Variants in FBXO41 observed in about 807,000 individuals in gnomAD.
FBXO41 encodes F-box only protein 41.
FBXO41 carries 33 observed loss-of-function variants against 81.6 expected under a neutral mutation model. That is an observed-to-expected ratio of 0.40 (90% CI 0.31 to 0.54). The LOEUF is 0.54. Among genes scored for constraint, FBXO41 ranks in the 20% least tolerant of loss-of-function variants. FBXO41 has a pLI of 0.39. For missense variants in FBXO41, 1,107 were observed against 1,236.0 expected (o/e 0.90, Z 1.56); for synonymous variants, 576 against 552.7 (o/e 1.04, Z -0.59).
intron 1 of FBXO41, among the ~76,000 whole-genome samples, chr2:73,274,046 C>A (rs866951841): frequency 1.3e-5 from 2 of 152,240 alleles, no homozygotes; most frequent in Non-Finnish European, 2.9e-5. Context: ...CAGGCCACAA[C>A]CTCATCACAT....
chr2:73,274,203 C>A (rs541905171), intron 1 of FBXO41, among the ~76,000 whole-genome samples: 16 of 152,332 alleles, frequency 1.1e-4, no homozygotes, highest in African/African-American at 3.8e-4. Context: ...CCCCTGTGCT[C>A]TTGCCAATTT....
intron 5 of FBXO41, 40 bp downstream of exon 5, chr2:73,265,242 C>T (rs778702326): frequency 1.2e-5 from 18 of 1,541,232 alleles, no homozygotes; most frequent in Admixed American, 1.8e-5. Context: ...GATTCACTGC[C>T]TCAGACCTGT....
At position 73,265,950 on chromosome 2, in the gene FBXO41, C is replaced by A; in HGVS notation, c.1148G>T (p.Gly383Val). The A allele has an allele frequency of 6.3e-7, 1 of 1,577,538 alleles. No homozygotes were observed. The highest frequency in any genetic ancestry group is 8.6e-7 in the Non-Finnish European group (1 of 1,161,032). ...GPGRMREHHVGPAVPNTYAVS... is the reference protein window; with the variant it reads ...GPGRMREHHVVPAVPNTYAVS... Reference sequence around the variant, plus strand: ...TGCATATGTGTTAGGCACGGCCGGGCCCACGTGGTGTTCTCGCTGTGGGCC... The same window carrying A: ...TGCATATGTGTTAGGCACGGCCGGGACCACGTGGTGTTCTCGCTGTGGGCC... Residue 383 changes from glycine (G) to valine (V), a missense_variant, in exon 4 of 13, where the codon GGC becomes GTC. Gly to Val is a moderately radical substitution (Grantham distance 109). Coordinates refer to ENST00000520530, the MANE Select transcript of FBXO41 (RefSeq NM_001371389.2).
At chr2:73,265,870 G>C in intron 4 of FBXO41, 23 bp downstream of exon 4, 1 of 1,570,042 alleles carries the variant, frequency 6.4e-7, no homozygotes, top group Non-Finnish European at 8.6e-7. Context: ...GGCTGCATGG[G>C]GTGGGCTGGG....
chr2:73,276,664 A>G (rs567838253), intron 1 of FBXO41, among the ~76,000 whole-genome samples: 1 of 151,836 alleles, frequency 6.6e-6, no homozygotes, highest in South Asian at 2.1e-4. Flanking sequence ...AAAAAAAAAG[A>G]TAACTGCTGG....
chr2:73,267,687 A>G (rs1030833666), intron 2 of FBXO41, among the ~76,000 whole-genome samples: 6 of 152,150 alleles, frequency 3.9e-5, no homozygotes, highest in Non-Finnish European at 7.3e-5. Context: ...AGTTGAAAAT[A>G]TCATCAGTCA....
In FBXO41 at chr2:73,258,930, A is replaced by G. The variant is rs1248408053; in HGVS notation, c.*52T>C. On this transcript the variant is annotated 3_prime_UTR_variant, in exon 13 of 13. Coordinates refer to ENST00000520530, the MANE Select transcript of FBXO41 (RefSeq NM_001371389.2). ...AAACCAGGGTCCCTCTGAGGTCCAA[A>G]GAGAGTGCCCTGGTGTGGGGCTGGC... 3 of 1,520,792 alleles carry G rather than the reference A, an allele frequency of 2.0e-6. No homozygotes were observed. Among genetic ancestry groups the G allele is most frequent in the Non-Finnish European group, 2.6e-6 (3 of 1,132,418 alleles). The allele number at this position is 1,520,792 out of a possible 1,614,324, so 94.2% of individuals were successfully genotyped here.
intron 1 of FBXO41, chr2:73,270,730 C>A: frequency 3.9e-6 from 2 of 513,912 alleles, no homozygotes; most frequent in South Asian, 2.9e-5. Context: ...TCTGGCATCC[C>A]AACCCTCCTC....
chr2:73,263,198 C>T lies in FBXO41; in HGVS notation c.2171+15G>A. ...CGTGTCCCCCCTCCTATCCCCCAAA[C>T]CTGCCAGGGCTCACCAGGGGTGAAG... On this transcript the variant is annotated intron_variant, in intron 9 of 12. Transcript: ENST00000520530. 2 of 1,551,562 alleles carry T rather than the reference C, an allele frequency of 1.3e-6. No homozygotes were observed. The highest frequency in any genetic ancestry group is 1.7e-6 in the Non-Finnish European group (2 of 1,146,748).
chr2:73,283,595 G>C (rs1034640441), intron 1 of FBXO41, among the ~76,000 whole-genome samples: 3 of 152,204 alleles, frequency 2.0e-5, no homozygotes, highest in African/African-American at 7.2e-5. Flanking sequence ...TCACATGCAA[G>C]GCAATGCGGA....
chr2:73,264,974 C>T (rs530878404), intron 5 of FBXO41, among the ~76,000 whole-genome samples: 2 of 152,098 alleles, frequency 1.3e-5, no homozygotes, highest in Non-Finnish European at 2.9e-5. Context: ...CGGTGGGGGG[C>T]CTCTCCCCCA....
chr2:73,265,343 C>T lies in FBXO41; in HGVS notation c.1503G>A (p.Pro501=), dbSNP rs542393794. 1.1e-4 allele frequency: 182 copies of T among 1,611,854 alleles called. No individual in the cohort carries two copies. Among genetic ancestry groups the T allele is most frequent in the Admixed American group, 3.0e-4 (18 of 60,010 alleles). ...CAGGCCCGGGGCGGGGCGCATCCAACGGGCCCTCAGCCTCTGACTCAGTGG... is the reference window on the plus strand; with the variant it reads ...CAGGCCCGGGGCGGGGCGCATCCAATGGGCCCTCAGCCTCTGACTCAGTGG... ...SRTTESEAEG[P]LDAPRPGPAM... is the part of the protein sequence containing the mutation. The change falls in exon 5 of 13, where the codon CCG becomes CCA. Residue 501 remains proline, a synonymous_variant. Coordinates refer to ENST00000520530, the MANE Select transcript of FBXO41 (RefSeq NM_001371389.2).
At chr2:73,283,210 C>A (rs972074813) in intron 1 of FBXO41, among the ~76,000 whole-genome samples, 1 of 152,166 alleles carries the variant, frequency 6.6e-6, no homozygotes, top group Non-Finnish European at 1.5e-5. Context: ...ATGTCCACTG[C>A]CTCTATAAAT....
rs370826650 is a variant in FBXO41, at chr2:73,266,426, G to T, written c.1131+31C>A. ...GAGGTTGTGGGGGGCCAGGTGTGCA[G>T]GTAGAGGAGGGAAGGCAGGTGGGCA... On this transcript the variant is annotated intron_variant, in intron 3 of 12. Transcript: ENST00000520530. The surrounding 1 kb of genome is among the most constrained non-coding windows in gnomAD (Gnocchi z 5.3). The T allele has an allele frequency of 6.8e-7, 1 of 1,462,914 alleles. No individual in the cohort carries two copies. Among genetic ancestry groups the T allele is most frequent in the Non-Finnish European group, 9.1e-7 (1 of 1,099,150 alleles). 90.6% of individuals were successfully genotyped at this position (1,462,914 alleles called of 1,614,324 possible). A position where few individuals can be genotyped will look rare whatever the true frequency, so the allele number is the denominator to read the frequency against.
At chr2:73,271,962 T>G (rs1233827515) in intron 1 of FBXO41, among the ~76,000 whole-genome samples, 1 of 152,148 alleles carries the variant, frequency 6.6e-6, no homozygotes, top group African/African-American at 2.4e-5. Flanking sequence ...CTAGTTACAG[T>G]TGGATCTGTG....
In FBXO41 at chr2:73,264,506, T is replaced by C; in HGVS notation, c.1578A>G (p.Gly526=). 1 of 1,613,562 alleles carries C rather than the reference T, an allele frequency of 6.2e-7. No homozygotes were observed. Among genetic ancestry groups the C allele is most frequent in the Non-Finnish European group, 8.5e-7 (1 of 1,179,850 alleles). ...SSCRLSARPE[G]GSGRGRRAER... ...CTGCTCGCCGACCCCGCCCACTGCC[T>C]CCCTCGGGGCGGGCTGCAGAATACC... Residue 526 remains glycine, a synonymous_variant, in exon 6 of 13, where the codon GGA becomes GGG. Coordinates refer to ENST00000520530, the MANE Select transcript of FBXO41 (RefSeq NM_001371389.2).
At position 73,259,451 on chromosome 2, in the gene FBXO41, G is replaced by A. The variant is rs571140208; in HGVS notation, c.2450-155C>T. ...TCATGCCACCTGGGGGCTGGCGACCGGATGCGGGGAGAGGTAGATGGGGCT... is the reference window on the plus strand; with the variant it reads ...TCATGCCACCTGGGGGCTGGCGACCAGATGCGGGGAGAGGTAGATGGGGCT... On this transcript the variant is annotated intron_variant, in intron 11 of 12. Coordinates refer to ENST00000520530, the MANE Select transcript of FBXO41 (RefSeq NM_001371389.2). This position sits in a 1 kb window ranked among gnomAD's most constrained non-coding sequence, Gnocchi z 4.2. 3.1e-4 allele frequency among the ~76,000 whole-genome samples: 47 copies of A among 152,318 alleles called. No individual in the cohort carries two copies. In the South Asian group the frequency reaches 9.3e-3, roughly 30 times the overall value.
intron 1 of FBXO41, among the ~76,000 whole-genome samples, chr2:73,276,570 G>A (rs1257713845): frequency 3.3e-5 from 4 of 122,872 alleles, no homozygotes; most frequent in Middle Eastern, 4.1e-3. Context: ...CAGAGAGAGA[G>A]AGAGAGAGAG....
At position 73,263,863 on chromosome 2, in the gene FBXO41, A is replaced by C. The variant is rs778481418; in HGVS notation, c.1923-33T>G. ...TGACCAAGAGGTCAGAGAGCTGGCAACCTCCTCCTCTGGGAAACTTAATTC... is the reference window on the plus strand; with the variant it reads ...TGACCAAGAGGTCAGAGAGCTGGCACCCTCCTCCTCTGGGAAACTTAATTC... On this transcript the variant is annotated intron_variant, in intron 7 of 12. Coordinates refer to ENST00000520530, the MANE Select transcript of FBXO41 (RefSeq NM_001371389.2). 14 of 1,613,810 alleles carry C rather than the reference A, an allele frequency of 8.7e-6. No homozygotes were observed. In the Admixed American group the frequency reaches 2.3e-4, roughly 27 times the overall value.
Sources: allele counts gnomAD v4.1 joint callset (sites outside exome capture counted in the v4.1 genomes callset), GRCh38; gene constraint gnomAD v4.1.1; non-coding constraint Gnocchi (gnomAD v3.1); transcripts MANE v1.5; gene names NCBI Gene and HGNC (gene_info 2026-07-23, HGNC 2026-07-21).